Variants in MGST2 observed in about 807,000 individuals in gnomAD.
MGST2 encodes glutathione peroxidase MGST2.
MGST2 carries 9 observed loss-of-function variants against 16.6 expected under a neutral mutation model. The observed-to-expected ratio is 0.54, with a 90% CI of 0.33 to 0.95. The LOEUF (loss-of-function observed/expected upper bound fraction) is 0.95. MGST2 is among the 40% of genes least tolerant of loss of function. The pLI, the probability that MGST2 is intolerant of heterozygous loss-of-function variation, is 0.03. For missense variants in MGST2, 159 were observed against 175.1 expected, an observed-to-expected ratio of 0.91 and a Z score of 0.52; for synonymous variants, 79 against 68.0, an observed-to-expected ratio of 1.16 and a Z score of -0.79.
intron 1 of MGST2, among the ~76,000 whole-genome samples, chr4:139,671,271 T>C (rs1579286220): frequency 6.6e-6 from 1 of 152,276 alleles, no homozygotes; most frequent in Middle Eastern, 3.4e-3. Flanking sequence ...GTTCAGTTGT[T>C]TGGGGGTTAG....
intron 1 of MGST2, among the ~76,000 whole-genome samples, chr4:139,671,805 C>A (rs933628645): frequency 6.6e-6 from 1 of 152,076 alleles, no homozygotes; most frequent in African/African-American, 2.4e-5. Context: ...CTGCACCTGG[C>A]TAATTTTTGT....
chr4:139,746,589 C>T, the MGST2 span, among the ~76,000 whole-genome samples: 29 of 152,256 alleles, frequency 1.9e-4, no homozygotes, highest in African/African-American at 6.5e-4. Context: ...GCAAATCTCC[C>T]CATCTGTCTC....
At chr4:139,692,476 G>A (rs1379462905) in intron 2 of MGST2, among the ~76,000 whole-genome samples, 1 of 152,196 alleles carries the variant, frequency 6.6e-6, no homozygotes, top group Non-Finnish European at 1.5e-5. Flanking sequence ...CCCTCCCCAG[G>A]TTCTGGAGTG....
Position 139,715,411 on chromosome 4 carries a change from T to C in MGST2, c.*48+11215T>C, listed in dbSNP as rs138764402. ...GTCCCTTCGGTGGTTGCCAGAAATA[T>C]GTTGCAGGACAGAGAAATGTGTTAC... On this transcript the variant is annotated intron_variant, in intron 5 of 5. Transcript: ENST00000616265. This position sits in a 1 kb window ranked among gnomAD's most constrained non-coding sequence, Gnocchi z 4.4. Among the ~76,000 whole-genome samples, 10 of 152,324 alleles carry C rather than the reference T, an allele frequency of 6.6e-5. No homozygotes were observed. The highest frequency in any genetic ancestry group is 1.3e-4 in the Admixed American group (2 of 15,310).
At chr4:139,708,891 A>T (rs1026588124), downstream of MGST2, among the ~76,000 whole-genome samples, 4 of 150,640 alleles carry the variant, frequency 2.7e-5, no homozygotes, top group African/African-American at 9.8e-5. Flanking sequence ...AATCTCAGCT[A>T]CTCTGGAGGC....
At chr4:139,728,420 C>A (rs1728565414) in intron 5 of MGST2, among the ~76,000 whole-genome samples, 1 of 152,214 alleles carries the variant, frequency 6.6e-6, no homozygotes, top group Non-Finnish European at 1.5e-5. Flanking sequence ...GCACATACAG[C>A]TTCCAAAACA....
chr4:139,746,261 T>C, the MGST2 span, among the ~76,000 whole-genome samples: 2 of 152,196 alleles, frequency 1.3e-5, no homozygotes, highest in African/African-American at 4.8e-5. Context: ...AAATCTGAAC[T>C]AGAGATGGTA....
In MGST2 at chr4:139,666,104, GTGCGCGTGTGTGCGTGT is replaced by G. The variant is rs746012476; in HGVS notation, c.58+28_58+44del. On this transcript the variant is annotated intron_variant, in intron 1 of 4. Coordinates refer to ENST00000265498, the MANE Select transcript of MGST2 (RefSeq NM_002413.5). Reference sequence around the variant, plus strand: ...TAAGAGGCATGGGAAGTTCGTGTGTGTGCGCGTGTGTGCGTGTGTGTGTGTGTGTGACAAGGCTTGCG... The same window carrying G: ...TAAGAGGCATGGGAAGTTCGTGTGTGGTGTGTGTGTGTGACAAGGCTTGCG... 63 of 1,534,766 alleles carry G rather than the reference GTGCGCGTGTGTGCGTGT, an allele frequency of 4.1e-5. No homozygotes were observed. The East Asian group carries it at 4.2e-4, about 10-fold the overall frequency.
intron 2 of MGST2, among the ~76,000 whole-genome samples, chr4:139,682,059 G>A (rs12506320): frequency 0.038 from 5,791 of 152,082 alleles, 197 homozygotes; most frequent in East Asian, 0.19. Flanking sequence ...TTAGCCACAT[G>A]TGGGTACATA....
intron 3 of MGST2, among the ~76,000 whole-genome samples, chr4:139,700,005 A>T (rs769288313): frequency 6.6e-6 from 1 of 152,080 alleles, no homozygotes; most frequent in Non-Finnish European, 1.5e-5. Flanking sequence ...GCACTCCAGC[A>T]TGGGTGACAG....
intron 5 of MGST2, among the ~76,000 whole-genome samples, chr4:139,711,930 A>C (rs1727759100): frequency 6.6e-6 from 1 of 152,170 alleles, no homozygotes; most frequent in Admixed American, 6.5e-5. Context: ...TCTTGCATTC[A>C]GGGTATAGAG....
rs922917712 is a variant in MGST2, at chr4:139,715,413, T to C, written c.*48+11217T>C. On this transcript the variant is annotated intron_variant, in intron 5 of 5. Transcript: ENST00000616265. This position sits in a 1 kb window ranked among gnomAD's most constrained non-coding sequence, Gnocchi z 4.4. The stretch of plus-strand genomic sequence containing the variant: ...CCCTTCGGTGGTTGCCAGAAATATG[T>C]TGCAGGACAGAGAAATGTGTTACAG... 2.0e-5 allele frequency among the ~76,000 whole-genome samples: 3 copies of C among 152,026 alleles called. No individual in the cohort carries two copies. Among genetic ancestry groups the C allele is most frequent in the African/African-American group, 7.3e-5 (3 of 41,368 alleles).
At chr4:139,698,909 T>C (rs1329711989) in intron 3 of MGST2, among the ~76,000 whole-genome samples, 2 of 152,060 alleles carry the variant, frequency 1.3e-5, no homozygotes, top group African/African-American at 4.8e-5. Context: ...CAGACCTCAA[T>C]CTATGACACA....
At chr4:139,720,034 T>C in intron 5 of MGST2, 1 of 1,614,044 alleles carries the variant, frequency 6.2e-7, no homozygotes, top group African/African-American at 1.3e-5. Flanking sequence ...CAGAGGCAGG[T>C]TGCCTCGGTC....
At chr4:139,691,432 C>T (rs908817406) in intron 2 of MGST2, among the ~76,000 whole-genome samples, 4 of 152,200 alleles carry the variant, frequency 2.6e-5, no homozygotes, top group Admixed American at 2.6e-4. Context: ...TTGAGTTAAA[C>T]ATGCCTGCTG....
intron 3 of MGST2, among the ~76,000 whole-genome samples, chr4:139,695,629 CA>C (rs543174483): frequency 6.6e-6 from 1 of 151,750 alleles, no homozygotes; most frequent in Non-Finnish European, 1.5e-5. Flanking sequence ...AAAAAACAAA[CA>C]AAAAAAGGAG....
At chr4:139,692,982 A>G (rs1267492805) in intron 2 of MGST2, among the ~76,000 whole-genome samples, 1 of 152,260 alleles carries the variant, frequency 6.6e-6, no homozygotes, top group Non-Finnish European at 1.5e-5. Context: ...GGTGCTTTTA[A>G]AACAATCTTA....
At chr4:139,731,227 G>C (rs1728693647) in intron 5 of MGST2, 1 of 158,656 alleles carries the variant, frequency 6.3e-6, no homozygotes, top group South Asian at 1.8e-4. Flanking sequence ...AAATCCTCCT[G>C]GCCAGAGTTG....
chr4:139,723,199 A>G (rs1307163837), intron 5 of MGST2, among the ~76,000 whole-genome samples: 6 of 152,268 alleles, frequency 3.9e-5, no homozygotes. Flanking sequence ...AAACCCATGT[A>G]CAGTACAATC....
Sources: allele counts gnomAD v4.1 joint callset (sites outside exome capture counted in the v4.1 genomes callset), GRCh38; gene constraint gnomAD v4.1.1; non-coding constraint Gnocchi (gnomAD v3.1); transcripts MANE v1.5; gene names NCBI Gene and HGNC (gene_info 2026-07-23, HGNC 2026-07-21).